UBE2U: variants seen among roughly 807,000 people sequenced by gnomAD.
The protein encoded by UBE2U is ubiquitin-conjugating enzyme E2 U.
In UBE2U, 39 loss-of-function variants were observed where a neutral mutation model predicts 41.2. The ratio of observed to expected loss-of-function variants is 0.95; its 90% CI spans 0.73 to 1.24. The LOEUF (loss-of-function observed/expected upper bound fraction) is 1.24. Ranked by LOEUF, UBE2U falls within the 50% of genes most tolerant of loss-of-function variation. The probability of loss-of-function intolerance (pLI) is 0.00; values close to 1 mark genes in which losing one functional copy is unlikely to be tolerated. For synonymous variants in UBE2U, 107 were observed against 117.8 expected (o/e 0.91, Z 0.60); for missense variants, 336 against 363.1 (o/e 0.93, Z 0.61).
intron 8 of UBE2U, chr1:64,244,030 TA>T: frequency 1.3e-6 from 1 of 795,654 alleles, no homozygotes; most frequent in Non-Finnish European, 2.2e-6. Context: ...TTAATATATG[TA>T]AAATGCTTCA....
intron 7 of UBE2U, among the ~76,000 whole-genome samples, chr1:64,237,300 C>T (rs901657893): frequency 5.3e-5 from 4 of 76,142 alleles, no homozygotes; most frequent in African/African-American, 1.9e-4. Context: ...AGAGATGTAT[C>T]ATAGAAAAAA....
At chr1:64,237,268 C>A (rs1644684622) in intron 7 of UBE2U, among the ~76,000 whole-genome samples, 1 of 123,724 alleles carries the variant, frequency 8.1e-6, no homozygotes, top group African/African-American at 3.1e-5. Flanking sequence ...AAATTCAGGG[C>A]AACCCGTACA....
chr1:64,239,157 A>AAAGAAGAAAGAAGAAGAAGAAGAAGAAG (rs1644771041), intron 7 of UBE2U, among the ~76,000 whole-genome samples: 2 of 37,064 alleles, frequency 5.4e-5, no homozygotes, highest in African/African-American at 1.7e-4. Flanking sequence ...GAAGAAGAAG[A>AAAGAAGAAAGAAGAAGAAGAAGAAGAAG]AAGAAGAAGA....
chr1:64,215,711 G>T (rs1401471670), intron 5 of UBE2U, among the ~76,000 whole-genome samples: 4 of 152,176 alleles, frequency 2.6e-5, no homozygotes, highest in Admixed American at 6.5e-5. Context: ...AGAGCCTGAA[G>T]CTCTTCAGTC....
intron 6 of UBE2U, among the ~76,000 whole-genome samples, chr1:64,224,594 G>A (rs928338461): frequency 9.2e-5 from 14 of 152,114 alleles, no homozygotes; most frequent in African/African-American, 3.4e-4. Context: ...ATGGTGGCGC[G>A]TGCCTGTAAT....
chr1:64,266,654 C>T (rs953743553), intron 9 of UBE2U, among the ~76,000 whole-genome samples: 4 of 152,204 alleles, frequency 2.6e-5, no homozygotes, highest in Admixed American at 6.5e-5. Flanking sequence ...GACCTCCCTT[C>T]TCTGTCTAAC....
Position 64,210,821 on chromosome 1 carries a change from C to T in UBE2U, c.321C>T (p.Ser107=). Residue 107 remains serine (S), a synonymous_variant, in exon 4 of 10, where the codon AGC becomes AGT. Coordinates refer to ENST00000371077, the MANE Select transcript of UBE2U (RefSeq NM_001366232.2). ...GGAATACAAACTATACATTGAGCAG[C>T]ATCTTACTTGCCCTACAGGTAAGAA... The part of the protein sequence containing the change: ...EKWNTNYTLS[S]ILLALQVMLS... The T allele has an allele frequency of 6.2e-7, 1 of 1,605,222 alleles. No homozygotes were observed. The highest frequency in any genetic ancestry group is 8.5e-7 in the Non-Finnish European group (1 of 1,174,724).
intron 9 of UBE2U, among the ~76,000 whole-genome samples, chr1:64,262,454 A>G (rs1645192615): frequency 6.6e-6 from 1 of 152,098 alleles, no homozygotes; most frequent in Admixed American, 6.5e-5. Flanking sequence ...TAGTGGTTTG[A>G]ATGGGGGAGG....
At chr1:64,224,465 G>A (rs1321736361) in intron 6 of UBE2U, among the ~76,000 whole-genome samples, 1 of 152,192 alleles carries the variant, frequency 6.6e-6, no homozygotes, top group African/African-American at 2.4e-5. Flanking sequence ...GCTCTTGCCT[G>A]TAATCCCAGC....
At chr1:64,231,692 T>C (rs1557722469) in intron 6 of UBE2U, among the ~76,000 whole-genome samples, 1 of 152,330 alleles carries the variant, frequency 6.6e-6, no homozygotes, top group East Asian at 1.9e-4. Flanking sequence ...TTAAGGTACC[T>C]ATGATTTACC....
chr1:64,215,801 C>T (rs1203785739), intron 5 of UBE2U, among the ~76,000 whole-genome samples: 5 of 152,176 alleles, frequency 3.3e-5, no homozygotes, highest in Non-Finnish European at 7.3e-5. Flanking sequence ...AACTCCATTG[C>T]CTCCATTGCC....
chr1:64,266,985 T>C lies in UBE2U; in HGVS notation c.770-39T>C, dbSNP rs749966879. The stretch of plus-strand genomic sequence containing the variant: ...TCTCTTTTTATTGTTTTTCTTATTA[T>C]GTCTATTAAATTTCTATTTTTTATA... On this transcript the variant is annotated intron_variant, in intron 9 of 9. Transcript: ENST00000371077. 1.5e-4 allele frequency: 224 copies of C among 1,500,524 alleles called. 1 individual carries two copies. The Middle Eastern group carries it at 3.9e-3, about 26-fold the overall frequency. 93.0% of individuals were successfully genotyped at this position (1,500,524 alleles called of 1,614,324 possible). A position where few individuals can be genotyped will look rare whatever the true frequency, so the allele number is the denominator to read the frequency against.
At chr1:64,204,329 A>T (rs1651154504) in intron 1 of UBE2U, among the ~76,000 whole-genome samples, 1 of 152,240 alleles carries the variant, frequency 6.6e-6, no homozygotes, top group Admixed American at 6.5e-5. Context: ...AATATTGAAC[A>T]TATTATGCAG....
intron 8 of UBE2U, among the ~76,000 whole-genome samples, chr1:64,254,160 AG>A: frequency 6.6e-6 from 1 of 152,344 alleles, no homozygotes; most frequent in African/African-American, 2.4e-5. Context: ...CAAAAGACAA[AG>A]AAGGGCATTA....
In UBE2U at chr1:64,250,540, T is replaced by A. The variant is rs796188652; in HGVS notation, c.677+8807T>A. 4.3e-4 allele frequency among the ~76,000 whole-genome samples: 65 copies of A among 152,306 alleles called. 1 individual carries two copies. Among genetic ancestry groups the A allele is most frequent in the African/African-American group, 1.5e-3 (61 of 41,576 alleles). ...CAAATCAAGAACTGGAAATACCATTTGGCCCAGCCATCCCATTACCGGGTA... is the reference window on the plus strand; with the variant it reads ...CAAATCAAGAACTGGAAATACCATTAGGCCCAGCCATCCCATTACCGGGTA... On this transcript the variant is annotated intron_variant, in intron 8 of 9. Coordinates refer to ENST00000371077, the MANE Select transcript of UBE2U (RefSeq NM_001366232.2).
rs79114993 is a variant in UBE2U at position 64,208,801 on chromosome 1, T to C, written c.242-1941T>C. Among the ~76,000 whole-genome samples the C allele has an allele frequency of 2.9e-3, 442 of 152,284 alleles. 10 individuals are homozygous for C. The highest frequency in any genetic ancestry group is 0.023 in the East Asian group (120 of 5,176). ...CTACGAACCTTTTAGGTCTAGATCA[T>C]TGCTATATCCTTAGAATCTTCACTG... On this transcript the variant is annotated intron_variant, in intron 3 of 9. Coordinates refer to ENST00000371077, the MANE Select transcript of UBE2U (RefSeq NM_001366232.2).
In UBE2U at chr1:64,233,842, G is replaced by C. The variant is rs535995133; in HGVS notation, c.595+1193G>C. 2.6e-5 allele frequency among the ~76,000 whole-genome samples: 4 copies of C among 152,284 alleles called. No homozygotes were observed. In the South Asian group the frequency reaches 8.3e-4, roughly 32 times the overall value. ...TTGCTTCAGCCATCCTTCTAAAATG[G>C]TGCATTCTGCAGTAGCAGAGACTTC... is the stretch of plus-strand genomic sequence containing the variant. On this transcript the variant is annotated intron_variant, in intron 7 of 9. Transcript: ENST00000371077.
In UBE2U at chr1:64,216,584, C is replaced by T. The variant is rs1023017767; in HGVS notation, c.457+1652C>T. ...TTGTAGCAGAACTGAAGTTCACATA[C>T]GCAGGCTTGGCCCTGCCTCGTGTCA... is the stretch of plus-strand genomic sequence containing the variant. On this transcript the variant is annotated intron_variant, in intron 5 of 9. Transcript: ENST00000371077. Among the ~76,000 whole-genome samples, 94 of 152,226 alleles carry T rather than the reference C, an allele frequency of 6.2e-4. 6 individuals are homozygous for T. The highest frequency in any genetic ancestry group is 2.1e-4 in the South Asian group (1 of 4,832).
chr1:64,214,843 A>T lies in UBE2U; in HGVS notation c.368A>T (p.Asn123Ile). The part of the protein sequence containing the change: ...QVMLSNPVLE[N>I]PVNLEAARIL... ...ATGCTTTCTAATCCAGTGCTAGAGA[A>T]TCCAGTGAATTTGGAAGCAGCCAGA... Residue 123 changes from asparagine to isoleucine, a missense_variant, in exon 5 of 10, where the codon AAT becomes ATT. Physicochemically the swap from Asn to Ile is moderately radical, Grantham distance 149. Coordinates refer to ENST00000371077, the MANE Select transcript of UBE2U (RefSeq NM_001366232.2). 6.2e-7 allele frequency: 1 copy of T among 1,614,100 alleles called. No individual in the cohort carries two copies. The highest frequency in any genetic ancestry group is 8.5e-7 in the Non-Finnish European group (1 of 1,179,940).
Sources: gnomAD v4.1 joint callset for allele counts (sites outside exome capture counted in the v4.1 genomes callset) on GRCh38, gnomAD v4.1.1 for gene constraint, MANE v1.5 for transcripts, NCBI Gene and HGNC (gene_info 2026-07-23, HGNC 2026-07-21) for gene names.